Variants in CSMD1 observed in about 807,000 individuals in gnomAD.
CSMD1 encodes the protein CUB and sushi domain-containing protein 1.
CSMD1 carries 213 observed loss-of-function variants against 417.5 expected under a neutral mutation model. The observed-to-expected ratio is 0.51, with a 90% CI of 0.46 to 0.57. CSMD1 has a LOEUF of 0.57. Ranked by LOEUF, CSMD1 falls within the 20% of genes least tolerant of loss-of-function variation. The probability of loss-of-function intolerance (pLI) is 0.00; values close to 1 mark genes in which losing one functional copy is unlikely to be tolerated. For synonymous variants in CSMD1, 2,862 were observed against 1,736.8 expected, an observed-to-expected ratio of 1.65 and a Z score of -16.11; for missense variants, 6,923 against 4,529.7, an observed-to-expected ratio of 1.53 and a Z score of -15.17.
intron 5 of CSMD1, among the ~76,000 whole-genome samples, chr8:3,956,353 G>A (rs888861403): frequency 2.6e-5 from 4 of 152,160 alleles, no homozygotes; most frequent in Non-Finnish European, 5.9e-5. Context: ...TTAGTCAGTT[G>A]CCTTATAGAA....
At chr8:4,039,050 A>G (rs970691812) in intron 3 of CSMD1, among the ~76,000 whole-genome samples, 2 of 101,398 alleles carry the variant, frequency 2.0e-5, no homozygotes, top group Non-Finnish European at 3.8e-5. Flanking sequence ...TGAAAGCATG[A>G]TACTACAATA....
intron 5 of CSMD1, among the ~76,000 whole-genome samples, chr8:3,835,738 A>G (rs1252354371): frequency 6.6e-6 from 1 of 151,420 alleles, no homozygotes; most frequent in East Asian, 1.9e-4. Context: ...AAAAAAAAGA[A>G]ATTTGGATGG....
chr8:4,427,381 C>T (rs746822970), intron 2 of CSMD1, among the ~76,000 whole-genome samples: 1 of 152,010 alleles, frequency 6.6e-6, no homozygotes, highest in Non-Finnish European at 1.5e-5. Context: ...GAACCAGGTG[C>T]TTTATCAACC....
In CSMD1 at chr8:4,926,691, C is replaced by T. The variant is rs530537527; in HGVS notation, c.85+67641G>A. Among the ~76,000 whole-genome samples the T allele has an allele frequency of 4.9e-3, 744 of 151,644 alleles. 8 individuals carry two copies. The highest frequency in any genetic ancestry group is 0.017 in the African/African-American group (692 of 41,298). ...ATTCTTCTGGGCTTTTCTTTTTTTT[C>T]GGTCAGTTAATACAAACAAACTTTA... On this transcript the variant is annotated intron_variant, in intron 1 of 69. Coordinates refer to ENST00000635120, the MANE Select transcript of CSMD1 (RefSeq NM_033225.6).
intron 1 of CSMD1, among the ~76,000 whole-genome samples, chr8:4,956,051 C>G (rs1025255482): frequency 6.6e-6 from 1 of 152,116 alleles, no homozygotes; most frequent in Non-Finnish European, 1.5e-5. Context: ...ACCACTTGCT[C>G]CTATCCTGGG....
At chr8:4,459,619 A>T (rs980050668) in intron 2 of CSMD1, among the ~76,000 whole-genome samples, 1 of 152,200 alleles carries the variant, frequency 6.6e-6, no homozygotes, top group Non-Finnish European at 1.5e-5. Context: ...AGAAGATCGC[A>T]TTGTGGGTTA....
chr8:2,942,213 A>G (rs972179582), intron 69 of CSMD1, among the ~76,000 whole-genome samples: 2 of 152,004 alleles, frequency 1.3e-5, no homozygotes, highest in African/African-American at 4.8e-5. Context: ...AGAACAGCTG[A>G]TGGGTGCTGG....
chr8:3,483,709 T>C (rs1431329236), intron 11 of CSMD1, among the ~76,000 whole-genome samples: 1 of 152,094 alleles, frequency 6.6e-6, no homozygotes, highest in Admixed American at 6.6e-5. Flanking sequence ...TAGACCGATA[T>C]CTTTTATGAA....
chr8:4,757,410 A>G (rs1472574045), intron 1 of CSMD1, among the ~76,000 whole-genome samples: 1 of 152,188 alleles, frequency 6.6e-6, no homozygotes, highest in African/African-American at 2.4e-5. Context: ...TCTATACAAT[A>G]GTCACCAATT....
intron 4 of CSMD1, among the ~76,000 whole-genome samples, chr8:4,000,266 A>G (rs1815564499): frequency 6.6e-6 from 1 of 151,890 alleles, no homozygotes; most frequent in Non-Finnish European, 1.5e-5. Context: ...GTGCAAGCAC[A>G]CACACTTCCC....
chr8:4,955,077 C>A (rs1356465042), intron 1 of CSMD1, among the ~76,000 whole-genome samples: 1 of 152,118 alleles, frequency 6.6e-6, no homozygotes, highest in African/African-American at 2.4e-5. Flanking sequence ...AAAATAGGCT[C>A]TGGAACAATC....
chr8:3,745,204 T>C (rs907374813), intron 6 of CSMD1, among the ~76,000 whole-genome samples: 4 of 152,206 alleles, frequency 2.6e-5, no homozygotes, highest in African/African-American at 9.7e-5. Context: ...GTTATATTTT[T>C]TGGGGTAGTA....
At chr8:4,460,328 C>A (rs746610450) in intron 2 of CSMD1, among the ~76,000 whole-genome samples, 1 of 151,934 alleles carries the variant, frequency 6.6e-6, no homozygotes, top group Non-Finnish European at 1.5e-5. Flanking sequence ...TGAAATGCAA[C>A]TGAAGAATTG....
chr8:3,149,594 C>T (rs1171950633), intron 40 of CSMD1, among the ~76,000 whole-genome samples: 2 of 152,190 alleles, frequency 1.3e-5, no homozygotes, highest in Non-Finnish European at 2.9e-5. Context: ...TCTCTTGCCT[C>T]AGCCTCCCAA....
chr8:3,097,115 T>A, intron 46 of CSMD1, 78 bp from the exon 47 acceptor site: 2 of 1,171,864 alleles, frequency 1.7e-6, no homozygotes, highest in South Asian at 1.8e-5. Context: ...TATCCCTGTA[T>A]AAACAAGTCA....
At chr8:4,893,882 A>G (rs777698932) in intron 1 of CSMD1, among the ~76,000 whole-genome samples, 4 of 152,140 alleles carry the variant, frequency 2.6e-5, no homozygotes, top group Non-Finnish European at 4.4e-5. Flanking sequence ...AAACAGAAAA[A>G]AATCTATTTA....
chr8:3,735,035 C>A (rs1403142142), intron 6 of CSMD1, among the ~76,000 whole-genome samples: 1 of 152,158 alleles, frequency 6.6e-6, no homozygotes, highest in Non-Finnish European at 1.5e-5. Context: ...TTTTGTAAAA[C>A]AAAATAGGTG....
intron 55 of CSMD1, among the ~76,000 whole-genome samples, chr8:2,977,989 G>C (rs1805079082): frequency 6.6e-6 from 1 of 152,222 alleles, no homozygotes; most frequent in African/African-American, 2.4e-5. Flanking sequence ...ATGTAAATTA[G>C]TTGAATCATT....
chr8:4,439,730 T>C (rs144108304), intron 2 of CSMD1, among the ~76,000 whole-genome samples: 12 of 152,190 alleles, frequency 7.9e-5, no homozygotes, highest in African/African-American at 2.9e-4. Flanking sequence ...AATAAGTAAA[T>C]AGAGAACATA....
Sources: gnomAD v4.1 joint callset for allele counts (sites outside exome capture counted in the v4.1 genomes callset) on GRCh38, gnomAD v4.1.1 for gene constraint, MANE v1.5 for transcripts, NCBI Gene and HGNC (gene_info 2026-07-23, HGNC 2026-07-21) for gene names.